The following SQOR variants were observed in gnomAD, a reference collection of about 807,000 sequenced individuals.
SQOR encodes sulfide quinone oxidoreductase, also known as sulfide:quinone oxidoreductase, mitochondrial.
SQOR carries 39 observed loss-of-function variants against 48.6 expected under a neutral mutation model. The ratio of observed to expected loss-of-function variants is 0.80; its 90% CI spans 0.62 to 1.05. SQOR has a LOEUF of 1.05. Among genes scored for constraint, SQOR ranks in the 50% least tolerant of loss-of-function variants. The pLI is 0.00. For synonymous variants in SQOR, 220 were observed against 206.2 expected (o/e 1.07, Z -0.57); for missense variants, 561 against 559.9 (o/e 1.00, Z -0.02).
intron 1 of SQOR, among the ~76,000 whole-genome samples, chr15:45,649,141 A>G (rs1246787532): frequency 6.6e-6 from 1 of 152,256 alleles, no homozygotes; most frequent in Non-Finnish European, 1.5e-5. Context: ...AGCTTTTGAC[A>G]CAGGCAGTCT....
rs1489966128 is a variant in SQOR at position 45,659,103 on chromosome 15, C to T, written c.180C>T (p.Ala60=). Residue 60 remains alanine, a synonymous_variant, in exon 2 of 10, where the codon GCC becomes GCT. Transcript: ENST00000260324. The part of the protein sequence containing the change: ...GGGSGGITMA[A]RMKRKVGAEN... ...GCAGTGGCGGAATCACCATGGCTGC[C>T]CGCATGAAGAGGAAAGTGGGTGCAG... The T allele has an allele frequency of 7.6e-6, 12 of 1,582,088 alleles. No homozygotes were observed. The highest frequency in any genetic ancestry group is 1.2e-5 in the South Asian group (1 of 86,936).
At chr15:45,674,618 T>C (rs1479317667) in intron 5 of SQOR, among the ~76,000 whole-genome samples, 1 of 152,144 alleles carries the variant, frequency 6.6e-6, no homozygotes, top group African/African-American at 2.4e-5. Context: ...AAAAATATGA[T>C]ACGGAAAATG....
intron 7 of SQOR, among the ~76,000 whole-genome samples, chr15:45,683,546 C>A (rs1182377063): frequency 2.0e-5 from 3 of 152,190 alleles, no homozygotes; most frequent in Non-Finnish European, 4.4e-5. Flanking sequence ...TCTCTGGATG[C>A]TATAAAACAC....
chr15:45,688,515 C>G (rs1214955111), intron 8 of SQOR, 111 bp downstream of exon 8: 1 of 622,380 alleles, frequency 1.6e-6, no homozygotes, highest in African/African-American at 2.0e-5. Context: ...TTCTGTTTTT[C>G]TTTTTTTTTT....
At chr15:45,676,453 G>T in intron 6 of SQOR, 143 bp downstream of exon 6, 1 of 881,954 alleles carries the variant, frequency 1.1e-6, no homozygotes, top group Non-Finnish European at 1.7e-6. Flanking sequence ...GAAGTGTTAG[G>T]GCAAGAAGGT....
intron 7 of SQOR, among the ~76,000 whole-genome samples, chr15:45,685,793 T>C (rs184427424): frequency 2.0e-5 from 3 of 152,354 alleles, no homozygotes; most frequent in African/African-American, 7.2e-5. Flanking sequence ...AAGGGAAATA[T>C]GATCTTTAGA....
chr15:45,688,759 C>A (rs1444639668), intron 8 of SQOR, among the ~76,000 whole-genome samples: 1 of 152,106 alleles, frequency 6.6e-6, no homozygotes, highest in Non-Finnish European at 1.5e-5. Context: ...ATGATCCACC[C>A]GCCTTGGCCT....
intron 6 of SQOR, among the ~76,000 whole-genome samples, chr15:45,681,340 C>T (rs1313044595): frequency 6.6e-6 from 1 of 152,188 alleles, no homozygotes; most frequent in Non-Finnish European, 1.5e-5. Flanking sequence ...ACCTCAGGGA[C>T]CCATGTGCCC....
intron 3 of SQOR, among the ~76,000 whole-genome samples, chr15:45,665,695 T>A (rs1250801417): frequency 6.6e-6 from 1 of 152,022 alleles, no homozygotes; most frequent in Non-Finnish European, 1.5e-5. Context: ...GTGATTCTCC[T>A]GCCTCAGCCT....
Position 45,690,158 on chromosome 15 carries a change from C to T in SQOR, c.1296-815C>T, listed in dbSNP as rs538205003. On this transcript the variant is annotated intron_variant, in intron 9 of 9. Coordinates refer to ENST00000260324, the MANE Select transcript of SQOR (RefSeq NM_021199.4). ...TCAGCTCGCTGCAACCTCCACCTCC[C>T]GGGTTCAAGCAATTTTCCTGCCTCA... is the stretch of plus-strand genomic sequence containing the variant. Among the ~76,000 whole-genome samples the T allele has an allele frequency of 8.1e-5, 12 of 148,630 alleles. No individual in the cohort carries two copies. In the East Asian group the frequency reaches 1.8e-3, roughly 22 times the overall value.
At chr15:45,653,956 A>G (rs998767373) in intron 1 of SQOR, among the ~76,000 whole-genome samples, 1 of 151,950 alleles carries the variant, frequency 6.6e-6, no homozygotes, top group African/African-American at 2.4e-5. Flanking sequence ...ACCCTGTGTC[A>G]ACTAAAAATA....
chr15:45,689,384 C>G, intron 9 of SQOR, 167 bp downstream of exon 9: 1 of 561,732 alleles, frequency 1.8e-6, no homozygotes, highest in South Asian at 2.6e-5. Context: ...AAATCACTTT[C>G]ACATACCAAG....
chr15:45,655,601 C>A (rs1279640008), intron 1 of SQOR, among the ~76,000 whole-genome samples: 1 of 151,704 alleles, frequency 6.6e-6, no homozygotes, highest in African/African-American at 2.4e-5. Flanking sequence ...TAATTATAAT[C>A]ATTAAAACCA....
At chr15:45,674,358 C>T (rs377761642) in intron 5 of SQOR, among the ~76,000 whole-genome samples, 1 of 151,572 alleles carries the variant, frequency 6.6e-6, no homozygotes, top group Non-Finnish European at 1.5e-5. Context: ...GAGAATTGCT[C>T]GAACCTGGGA....
chr15:45,632,176 A>G (rs1894907843), upstream of SQOR, among the ~76,000 whole-genome samples: 1 of 147,482 alleles, frequency 6.8e-6, no homozygotes, highest in Non-Finnish European at 1.5e-5. Context: ...TGCTCAGGAC[A>G]TTTCCCTCCC....
chr15:45,651,869 C>T (rs1889498018), intron 1 of SQOR, among the ~76,000 whole-genome samples: 1 of 151,954 alleles, frequency 6.6e-6, no homozygotes, highest in African/African-American at 2.4e-5. Flanking sequence ...TCTCCTTCTC[C>T]TCCTTCTCCT....
intron 1 of SQOR, among the ~76,000 whole-genome samples, chr15:45,656,354 C>T (rs1354382969): frequency 6.6e-6 from 1 of 152,178 alleles, no homozygotes; most frequent in Non-Finnish European, 1.5e-5. Context: ...GGCTGGAGTA[C>T]AGTGGTGAAA....
chr15:45,685,839 A>AT (rs74265396), intron 7 of SQOR, among the ~76,000 whole-genome samples: 19 of 151,628 alleles, frequency 1.3e-4, no homozygotes, highest in Middle Eastern at 3.4e-3. Context: ...TAGCCATTTA[A>AT]TTTTTTTTTG....
chr15:45,644,190 C>G (rs1462522665), intron 1 of SQOR, among the ~76,000 whole-genome samples: 13 of 152,014 alleles, frequency 8.6e-5, no homozygotes, highest in Admixed American at 8.5e-4. Context: ...CAGGTTCAAG[C>G]GTTTCTCCTG....
Sources: allele counts gnomAD v4.1 joint callset (sites outside exome capture counted in the v4.1 genomes callset), GRCh38; gene constraint gnomAD v4.1.1; transcripts MANE v1.5; gene names NCBI Gene and HGNC (gene_info 2026-07-23, HGNC 2026-07-21).